ARHGAP22: variants seen among roughly 807,000 people sequenced by gnomAD.
The protein encoded by ARHGAP22 is rho GTPase-activating protein 22.
In ARHGAP22, 48 loss-of-function variants were observed where a neutral mutation model predicts 59.1. That is an observed-to-expected ratio of 0.81 (90% CI 0.64 to 1.03). ARHGAP22 has a LOEUF of 1.03. Ranked by LOEUF, ARHGAP22 falls within the 50% of genes least tolerant of loss-of-function variation. The pLI is 0.00. For missense variants in ARHGAP22, 1,015 were observed against 958.7 expected, an observed-to-expected ratio of 1.06 and a Z score of -0.78; for synonymous variants, 445 against 416.4, an observed-to-expected ratio of 1.07 and a Z score of -0.84.
chr10:48,460,596 C>G (rs763510250), intron 4 of ARHGAP22, among the ~76,000 whole-genome samples: 5 of 152,156 alleles, frequency 3.3e-5, no homozygotes, highest in Non-Finnish European at 5.9e-5. Flanking sequence ...AAAATTAAAA[C>G]CAGAATTACC....
intron 3 of ARHGAP22, among the ~76,000 whole-genome samples, chr10:48,502,545 G>A (rs927154428): frequency 1.3e-5 from 2 of 152,098 alleles, no homozygotes; most frequent in Non-Finnish European, 2.9e-5. Context: ...CCATCTCACC[G>A]GACACTCCAG....
At position 48,459,731 on chromosome 10, in the gene ARHGAP22, C is replaced by A. The variant is rs768840253; in HGVS notation, c.612G>T (p.Arg204Ser). 6.8e-6 allele frequency: 11 copies of A among 1,614,186 alleles called. No individual in the cohort carries two copies. Among genetic ancestry groups the A allele is most frequent in the Non-Finnish European group, 9.3e-6 (11 of 1,180,044 alleles). Residue 204 changes from arginine (R) to serine (S), a missense_variant, in exon 5 of 10, where the codon AGG becomes AGT. Transcript: ENST00000249601. The stretch of plus-strand genomic sequence containing the variant: ...CACAGTCGAAGGAATCCTGCAGGTC[C>A]CTCACCAGGTTGGCCTGGCCTGGCA... The part of the protein sequence containing the change: ...FRMPGQANLV[R>S]DLQDSFDCGE...
intron 1 of ARHGAP22, among the ~76,000 whole-genome samples, chr10:48,592,986 G>A (rs549423798): frequency 6.6e-6 from 1 of 152,230 alleles, no homozygotes; most frequent in Non-Finnish European, 1.5e-5. Context: ...GCCTATGAGG[G>A]TCCTGGGGAC....
Position 48,450,937 on chromosome 10 carries a change from C to A in ARHGAP22, c.1192G>T (p.Gly398Trp), listed in dbSNP as rs771493613. 8 of 1,587,128 alleles carry A rather than the reference C, an allele frequency of 5.0e-6. No individual in the cohort carries two copies. The African/African-American group carries it at 5.4e-5, about 11-fold the overall frequency. Residue 398 changes from glycine (G) to tryptophan (W), a missense_variant, in exon 9 of 10, where the codon GGG (glycine) becomes TGG (tryptophan). Gly to Trp is a radical substitution (Grantham distance 184). Transcript: ENST00000249601. ...CTGGAGAGCACCGCCACGGCCGCCC[C>A]GTCCAGGGAAGAGGTCCTGTGCGCG... The part of the protein sequence containing the change: ...LPAHRTSSLD[G>W]AAVAVLSRTA...
intron 1 of ARHGAP22, among the ~76,000 whole-genome samples, chr10:48,595,454 G>A (rs1289093528): frequency 6.6e-6 from 1 of 152,164 alleles, no homozygotes; most frequent in Non-Finnish European, 1.5e-5. Flanking sequence ...AGCATCAGAT[G>A]ATTTATTACC....
intron 2 of ARHGAP22, among the ~76,000 whole-genome samples, chr10:48,561,856 C>T (rs1049079833): frequency 3.3e-5 from 5 of 152,080 alleles, no homozygotes; most frequent in African/African-American, 9.7e-5. Context: ...TGCAGAGGAC[C>T]GAGAATTCTT....
chr10:48,434,109 C>T, the ARHGAP22 span, among the ~76,000 whole-genome samples: 2 of 152,144 alleles, frequency 1.3e-5, no homozygotes, highest in Non-Finnish European at 2.9e-5. Context: ...CTCAGGTATT[C>T]CTGTTAACTT....
At chr10:48,563,566 T>C (rs1382510085) in intron 2 of ARHGAP22, among the ~76,000 whole-genome samples, 1 of 152,224 alleles carries the variant, frequency 6.6e-6, no homozygotes, top group African/African-American at 2.4e-5. Context: ...ATGCTTGCCA[T>C]CGTAACATAA....
chr10:48,522,464 G>A (rs748381237), intron 3 of ARHGAP22, among the ~76,000 whole-genome samples: 4 of 152,224 alleles, frequency 2.6e-5, no homozygotes, highest in Non-Finnish European at 5.9e-5. Context: ...CTCTTCTGAG[G>A]CTGCTTAATG....
chr10:48,533,697 C>T (rs1334545944), intron 3 of ARHGAP22, among the ~76,000 whole-genome samples: 2 of 152,204 alleles, frequency 1.3e-5, no homozygotes, highest in African/African-American at 2.4e-5. Flanking sequence ...AATCAACCAT[C>T]GACACTACGT....
intron 3 of ARHGAP22, among the ~76,000 whole-genome samples, chr10:48,488,533 G>A (rs1789247140): frequency 6.6e-6 from 1 of 152,226 alleles, no homozygotes; most frequent in Admixed American, 6.5e-5. Context: ...CTTGGAAAGA[G>A]TTTGATCCTT....
chr10:48,504,502 G>C (rs933622934), intron 3 of ARHGAP22, among the ~76,000 whole-genome samples: 1 of 152,186 alleles, frequency 6.6e-6, no homozygotes, highest in Admixed American at 6.5e-5. Flanking sequence ...AAATGGGGTG[G>C]GTCAGGAAAA....
chr10:48,593,300 T>A (rs888605599), intron 1 of ARHGAP22, among the ~76,000 whole-genome samples: 1 of 152,224 alleles, frequency 6.6e-6, no homozygotes, highest in African/African-American at 2.4e-5. Context: ...AGAAAGTAAG[T>A]TGCAGAACAA....
At chr10:48,639,259 T>A (rs555945701) in intron 1 of ARHGAP22, among the ~76,000 whole-genome samples, 1 of 152,346 alleles carries the variant, frequency 6.6e-6, no homozygotes, top group South Asian at 2.1e-4. Flanking sequence ...GGAGGACCAA[T>A]GCTCAATTAG....
chr10:48,467,571 C>T (rs2047842998), intron 4 of ARHGAP22, among the ~76,000 whole-genome samples: 2 of 151,746 alleles, frequency 1.3e-5, no homozygotes, highest in South Asian at 4.2e-4. Flanking sequence ...ACTAGTGAGT[C>T]CGGAATATAA....
rs868821675 is a variant in ARHGAP22 at position 48,600,538 on chromosome 10, C to T, written c.34+4225G>A. 2.8e-5 allele frequency among the ~76,000 whole-genome samples: 4 copies of T among 143,592 alleles called. No individual in the cohort carries two copies. In the South Asian group the frequency reaches 8.4e-4, roughly 30 times the overall value. The allele number at this position is 143,592 out of a possible 152,430, so 94.2% of individuals were successfully genotyped here. A position where few individuals can be genotyped will look rare whatever the true frequency, so the allele number is the denominator to read the frequency against. The stretch of plus-strand genomic sequence containing the variant: ...ATTTTAGAAATAAACAATGAAAATC[C>T]CAGAGGAGTATTCAAAAAAAAAAAA... On this transcript the variant is annotated intron_variant, in intron 1 of 9. Coordinates refer to ENST00000249601, the MANE Select transcript of ARHGAP22 (RefSeq NM_021226.4).
At chr10:48,654,825 T>TTCCTTC (rs2062707531), upstream of ARHGAP22, among the ~76,000 whole-genome samples, 74 of 62,510 alleles carry the variant, frequency 1.2e-3, no homozygotes, top group African/African-American at 3.2e-3. Flanking sequence ...TTTCTTTCTT[T>TTCCTTC]CTTCCTTCCT....
At chr10:48,597,948 G>A (rs889295542) in intron 1 of ARHGAP22, among the ~76,000 whole-genome samples, 5 of 152,196 alleles carry the variant, frequency 3.3e-5, no homozygotes, top group African/African-American at 1.2e-4. Flanking sequence ...TGGAGTCCAA[G>A]GTGGCCTCCT....
At chr10:48,551,129 G>A (rs924697085) in intron 3 of ARHGAP22, among the ~76,000 whole-genome samples, 1 of 152,122 alleles carries the variant, frequency 6.6e-6, no homozygotes, top group African/African-American at 2.4e-5. Flanking sequence ...TGCTTGCCAG[G>A]CAAGGTTGCA....
Sources: allele counts gnomAD v4.1 joint callset (sites outside exome capture counted in the v4.1 genomes callset), GRCh38; gene constraint gnomAD v4.1.1; transcripts MANE v1.5; gene names NCBI Gene and HGNC (gene_info 2026-07-23, HGNC 2026-07-21).